Variants in DAB1 observed in about 807,000 individuals in gnomAD.
The protein encoded by DAB1 is DAB adaptor protein 1, also known as disabled homolog 1.
A neutral mutation model predicts 64.6 loss-of-function variants in DAB1; 15 were observed. The ratio of observed to expected loss-of-function variants is 0.23; its 90% CI spans 0.16 to 0.36. The LOEUF (loss-of-function observed/expected upper bound fraction) is 0.36. Ranked by LOEUF, DAB1 falls within the 10% of genes least tolerant of loss-of-function variation. The pLI is 1.00. For missense variants in DAB1, 596 were observed against 706.7 expected, an observed-to-expected ratio of 0.84 and a Z score of 1.78; for synonymous variants, 235 against 251.9, an observed-to-expected ratio of 0.93 and a Z score of 0.64.
chr1:57,920,472 C>T (rs1218010357), intron 5 of DAB1, among the ~76,000 whole-genome samples: 3 of 152,086 alleles, frequency 2.0e-5, no homozygotes, highest in African/African-American at 7.2e-5. Flanking sequence ...CACCACCACA[C>T]CTGACTAATG....
intron 4 of DAB1, among the ~76,000 whole-genome samples, chr1:57,123,142 C>A (rs1205849372): frequency 6.6e-6 from 1 of 152,010 alleles, no homozygotes; most frequent in Non-Finnish European, 1.5e-5. Flanking sequence ...TTTATGCATA[C>A]GTGGAGAATC....
intron 7 of DAB1, among the ~76,000 whole-genome samples, chr1:57,465,072 C>T (rs995344044): frequency 2.0e-5 from 3 of 152,088 alleles, no homozygotes; most frequent in African/African-American, 7.2e-5. Context: ...TATGCAATAC[C>T]TCAGCTTTTT....
intron 6 of DAB1, among the ~76,000 whole-genome samples, chr1:57,715,554 C>T (rs1002021150): frequency 6.6e-6 from 1 of 152,084 alleles, no homozygotes; most frequent in African/African-American, 2.4e-5. Context: ...CTGAAGACTC[C>T]ACCAAAAGAC....
intron 5 of DAB1, among the ~76,000 whole-genome samples, chr1:57,927,054 T>C (rs894842449): frequency 3.3e-5 from 5 of 152,194 alleles, no homozygotes; most frequent in Non-Finnish European, 7.3e-5. Flanking sequence ...TCTGCAACTA[T>C]AGGCAAATAA....
intron 1 of DAB1, among the ~76,000 whole-genome samples, chr1:57,294,581 C>T (rs1673041023): frequency 6.6e-6 from 1 of 152,006 alleles, no homozygotes; most frequent in South Asian, 2.1e-4. Context: ...TCATATAATC[C>T]TACAATAAAA....
chr1:57,625,102 C>T (rs897787935), intron 7 of DAB1, among the ~76,000 whole-genome samples: 1 of 152,134 alleles, frequency 6.6e-6, no homozygotes, highest in East Asian at 1.9e-4. Context: ...CTTGAGAAGG[C>T]GAGTTTAAAA....
intron 3 of DAB1, among the ~76,000 whole-genome samples, chr1:58,362,361 G>C (rs1391120267): frequency 1.3e-5 from 2 of 152,124 alleles, no homozygotes; most frequent in Non-Finnish European, 2.9e-5. Flanking sequence ...AAAACCTCAA[G>C]TTTTCCATTA....
chr1:57,473,248 T>C (rs1687204025), intron 7 of DAB1, among the ~76,000 whole-genome samples: 1 of 152,186 alleles, frequency 6.6e-6, no homozygotes, highest in South Asian at 2.1e-4. Flanking sequence ...GGGACAGTAA[T>C]AGCTACCTCA....
intron 4 of DAB1, among the ~76,000 whole-genome samples, chr1:57,121,136 A>G (rs969745269): frequency 4.2e-4 from 37 of 89,078 alleles, no homozygotes; most frequent in Admixed American, 2.2e-3. Context: ...AGAAGAGAAG[A>G]AGAAGGAGGA....
intron 9 of DAB1, among the ~76,000 whole-genome samples, chr1:57,057,080 G>A (rs374378444): frequency 6.6e-6 from 1 of 152,084 alleles, no homozygotes; most frequent in Non-Finnish European, 1.5e-5. Flanking sequence ...CACTAAGGCT[G>A]TTCTTAGTGA....
At chr1:57,464,473 A>G (rs1294410783) in intron 7 of DAB1, among the ~76,000 whole-genome samples, 1 of 152,158 alleles carries the variant, frequency 6.6e-6, no homozygotes, top group Non-Finnish European at 1.5e-5. Flanking sequence ...GTTTATCATC[A>G]TGTACTGGAA....
At chr1:57,837,450 C>T (rs1652857055) in intron 1 of DAB1, among the ~76,000 whole-genome samples, 1 of 152,094 alleles carries the variant, frequency 6.6e-6, no homozygotes, top group African/African-American at 2.4e-5. Flanking sequence ...TGCTCCAAAT[C>T]ATATCTGACC....
chr1:57,571,263 GGC>G (rs1458672481), intron 7 of DAB1, among the ~76,000 whole-genome samples: 4 of 152,050 alleles, frequency 2.6e-5, no homozygotes, highest in Non-Finnish European at 4.4e-5. Context: ...GGTGAAAGTG[GGC>G]ATCCTTGTGC....
intron 7 of DAB1, chr1:57,605,856 T>C: frequency 1.7e-6 from 1 of 589,456 alleles, no homozygotes; most frequent in South Asian, 1.6e-5. Context: ...CTTAAGCATC[T>C]GCAACGGTGA....
At chr1:58,023,525 C>T (rs924019224) in intron 5 of DAB1, among the ~76,000 whole-genome samples, 12 of 152,090 alleles carry the variant, frequency 7.9e-5, no homozygotes, top group Non-Finnish European at 1.6e-4. Flanking sequence ...TTGGGAACCA[C>T]TGTATAAAAT....
At chr1:57,324,209 C>G (rs189091296) in intron 1 of DAB1, among the ~76,000 whole-genome samples, 1 of 152,144 alleles carries the variant, frequency 6.6e-6, no homozygotes, top group African/African-American at 2.4e-5. Flanking sequence ...CCAGGTGAAC[C>G]GTTAAGTGAA....
At chr1:57,927,647 T>C (rs984720371) in intron 5 of DAB1, among the ~76,000 whole-genome samples, 2 of 152,248 alleles carry the variant, frequency 1.3e-5, no homozygotes, top group Non-Finnish European at 2.9e-5. Flanking sequence ...CGTTGCATTC[T>C]GATTTATAGC....
chr1:57,435,046 C>CTTTTTTTTTTT (rs71580850), intron 7 of DAB1, among the ~76,000 whole-genome samples: 26 of 93,072 alleles, frequency 2.8e-4, no homozygotes, highest in Non-Finnish European at 3.4e-4. Context: ...TTCTTTTTTT[C>CTTTTTTTTTTT]TTTTTTTTTT....
In DAB1 at chr1:57,821,017, A is replaced by G. The variant is rs566249286; in HGVS notation, n.551+62982T>C. 2.0e-5 allele frequency among the ~76,000 whole-genome samples: 3 copies of G among 152,274 alleles called. No homozygotes were observed. In the East Asian group the frequency reaches 5.8e-4, roughly 29 times the overall value. On this transcript the variant is annotated intron_variant and non_coding_transcript_variant, in intron 6 of 20. Transcript: ENST00000485760. ...TCTAAGCCTGGCCAACACTTTCCAC[A>G]TTAGTCTCTCGACAACCAAACCAAG...
Sources: gnomAD v4.1 joint callset for allele counts (sites outside exome capture counted in the v4.1 genomes callset) on GRCh38, gnomAD v4.1.1 for gene constraint, MANE v1.5 for transcripts, NCBI Gene and HGNC (gene_info 2026-07-23, HGNC 2026-07-21) for gene names.